The following PLCB1 variants were observed in gnomAD, a reference collection of about 807,000 sequenced individuals.
PLCB1 encodes phospholipase C beta 1, also known as 1-phosphatidylinositol 4,5-bisphosphate phosphodiesterase beta-1.
Under a neutral mutation model 161.8 loss-of-function variants are expected in PLCB1, and 46 were observed. That is an observed-to-expected ratio of 0.28 (90% confidence interval 0.22 to 0.36). The LOEUF (loss-of-function observed/expected upper bound fraction) is 0.36. Among genes scored for constraint, PLCB1 ranks in the 10% least tolerant of loss-of-function variants. The pLI, the probability that PLCB1 is intolerant of heterozygous loss-of-function variation, is 1.00. For missense variants in PLCB1, 1,016 were observed against 1,472.5 expected (o/e 0.69, Z 5.07); for synonymous variants, 517 against 503.7 (o/e 1.03, Z -0.35).
intron 3 of PLCB1, among the ~76,000 whole-genome samples, chr20:8,537,567 G>T (rs1175355124): frequency 6.6e-6 from 1 of 152,042 alleles, no homozygotes; most frequent in African/African-American, 2.4e-5. Flanking sequence ...GGTGGGGTGT[G>T]CGGGGAGCCC....
rs115944453 is a variant in PLCB1 at position 8,726,099 on chromosome 20, C to T, written c.1679-1210C>T. On this transcript the variant is annotated intron_variant, in intron 16 of 31. Coordinates refer to ENST00000338037, the MANE Select transcript of PLCB1 (RefSeq NM_015192.4). ...GAAGCCTGGAAATCATTAAGAAGAA[C>T]GAGGTTTTAATTTCGAAAGAGAGGT... Among the ~76,000 whole-genome samples the T allele has an allele frequency of 3.7e-3, 560 of 152,018 alleles. 3 individuals are homozygous for T. The highest frequency in any genetic ancestry group is 0.013 in the African/African-American group (525 of 41,486).
chr20:8,710,955 T>C (rs1391218439), intron 12 of PLCB1, among the ~76,000 whole-genome samples: 1 of 152,214 alleles, frequency 6.6e-6, no homozygotes, highest in African/African-American at 2.4e-5. Context: ...CCTTTATTAA[T>C]AGCGAACATT....
At chr20:8,847,995 G>T (rs1340822928) in intron 31 of PLCB1, among the ~76,000 whole-genome samples, 1 of 152,136 alleles carries the variant, frequency 6.6e-6, no homozygotes, top group East Asian at 1.9e-4. Flanking sequence ...TCTTCCAGAG[G>T]GGAGGAACGC....
chr20:8,304,636 T>TTGTGTGTGTGTGTGTGTGTGTGTG, intron 2 of PLCB1, among the ~76,000 whole-genome samples: 1 of 150,534 alleles, frequency 6.6e-6, no homozygotes, highest in African/African-American at 2.4e-5. Flanking sequence ...TGAGAGTGCT[T>TTGTGTGTGTGTGTGTGTGTGTGTG]TGTGTGTGTG....
At chr20:8,372,714 G>T (rs1986943380) in intron 3 of PLCB1, among the ~76,000 whole-genome samples, 2 of 152,082 alleles carry the variant, frequency 1.3e-5, no homozygotes, top group Admixed American at 6.5e-5. Flanking sequence ...TTTAGTATAG[G>T]AAAGAATATT....
chr20:8,322,295 C>T lies in PLCB1; in HGVS notation c.178-49087C>T, dbSNP rs570501493. On this transcript the variant is annotated intron_variant, in intron 2 of 31. Coordinates refer to ENST00000338037, the MANE Select transcript of PLCB1 (RefSeq NM_015192.4). ...ATAGAAGACATCTACCATAATATTA[C>T]AAAAATTAAATTACTGAAGCTATTC... Among the ~76,000 whole-genome samples, 22 of 152,098 alleles carry T rather than the reference C, an allele frequency of 1.4e-4. 1 individual carries two copies. In the East Asian group the frequency reaches 4.3e-3, roughly 29 times the overall value.
chr20:8,714,333 C>T (rs1979184196), intron 12 of PLCB1, among the ~76,000 whole-genome samples: 2 of 152,070 alleles, frequency 1.3e-5, no homozygotes, highest in Admixed American at 1.3e-4. Flanking sequence ...GAGGGTTTGG[C>T]CATTTCTTTA....
chr20:8,574,875 GAT>G (rs1986627898), intron 3 of PLCB1, among the ~76,000 whole-genome samples: 1 of 147,500 alleles, frequency 6.8e-6, no homozygotes, highest in Non-Finnish European at 1.5e-5. Flanking sequence ...CAACAGAAAA[GAT>G]ATAAAGGCTG....
rs575157689 is a variant in PLCB1, at chr20:8,628,867, G to A, written c.384+436G>A. Among the ~76,000 whole-genome samples the A allele has an allele frequency of 1.6e-4, 24 of 152,132 alleles. No homozygotes were observed. The East Asian group carries it at 3.3e-3, about 21-fold the overall frequency. On this transcript the variant is annotated intron_variant, in intron 4 of 31. Transcript: ENST00000338037. ...GAGAATCGCTTGAACCCAGGAGGTG[G>A]AGGTTGCAGTGAGCCAAGATTTGCC... is the stretch of plus-strand genomic sequence containing the variant.
At chr20:8,857,423 T>C (rs1987105784) in intron 31 of PLCB1, among the ~76,000 whole-genome samples, 1 of 152,256 alleles carries the variant, frequency 6.6e-6, no homozygotes, top group Non-Finnish European at 1.5e-5. Flanking sequence ...CTTATTCTAT[T>C]CCATGAATGT....
chr20:8,737,946 A>T (rs1187537171), intron 20 of PLCB1, among the ~76,000 whole-genome samples: 1 of 152,224 alleles, frequency 6.6e-6, no homozygotes, highest in Non-Finnish European at 1.5e-5. Context: ...AAATACATTG[A>T]CCACACTTAA....
chr20:8,179,731 C>G (rs905026311), intron 2 of PLCB1, among the ~76,000 whole-genome samples: 3 of 151,062 alleles, frequency 2.0e-5, no homozygotes, highest in Non-Finnish European at 4.4e-5. Flanking sequence ...TGTCCCAGTT[C>G]TCAAGGGGAA....
chr20:8,581,766 G>T (rs1445800994), intron 3 of PLCB1, among the ~76,000 whole-genome samples: 6 of 152,110 alleles, frequency 3.9e-5, no homozygotes, highest in Admixed American at 3.3e-4. Context: ...CACCTGCAAA[G>T]AATAGCTATT....
chr20:8,632,205 A>C (rs1176274521), intron 4 of PLCB1, among the ~76,000 whole-genome samples: 1 of 151,858 alleles, frequency 6.6e-6, no homozygotes, highest in Non-Finnish European at 1.5e-5. Context: ...CCCAGGAAGG[A>C]ACACAGTAAA....
intron 2 of PLCB1, among the ~76,000 whole-genome samples, chr20:8,171,117 T>C (rs764793603): frequency 3.3e-5 from 5 of 152,196 alleles, no homozygotes; most frequent in Non-Finnish European, 5.9e-5. Context: ...TTATGACACA[T>C]GCTCTGTAAA....
intron 3 of PLCB1, among the ~76,000 whole-genome samples, chr20:8,453,189 C>T (rs1157075303): frequency 6.6e-6 from 1 of 152,220 alleles, no homozygotes; most frequent in African/African-American, 2.4e-5. Flanking sequence ...AGGCAAGAGG[C>T]CCCCGGCCAT....
chr20:8,356,566 T>C (rs964924936), intron 2 of PLCB1, among the ~76,000 whole-genome samples: 2 of 152,164 alleles, frequency 1.3e-5, no homozygotes, highest in African/African-American at 4.8e-5. Flanking sequence ...CCAGCTTTTA[T>C]GTTTAAAAAA....
intron 3 of PLCB1, among the ~76,000 whole-genome samples, chr20:8,533,831 G>C (rs988920344): frequency 6.6e-6 from 1 of 152,008 alleles, no homozygotes. Flanking sequence ...TCACTCTGAT[G>C]GTAGTTTCTT....
At chr20:8,661,805 T>C (rs1989630833) in intron 9 of PLCB1, among the ~76,000 whole-genome samples, 2 of 149,968 alleles carry the variant, frequency 1.3e-5, no homozygotes, top group South Asian at 2.1e-4. Context: ...AAACTCAAAC[T>C]TACAAGCCAA....
Sources: allele counts gnomAD v4.1 joint callset (sites outside exome capture counted in the v4.1 genomes callset), GRCh38; gene constraint gnomAD v4.1.1; transcripts MANE v1.5; gene names NCBI Gene and HGNC (gene_info 2026-07-23, HGNC 2026-07-21).